METTL2A: variants seen among roughly 807,000 people sequenced by gnomAD.
METTL2A encodes methyltransferase 2A, tRNA N3-cytidine, also known as tRNA N(3)-cytidine methyltransferase METTL2A.
Under a neutral mutation model 49.4 loss-of-function variants are expected in METTL2A, and 45 were observed. The observed-to-expected ratio is 0.91, with a 90% CI of 0.72 to 1.17. METTL2A has a LOEUF of 1.17. Among genes scored for constraint, METTL2A ranks in the 50% most tolerant of loss-of-function variants. METTL2A has a pLI of 0.00. For missense variants in METTL2A, 361 were observed against 462.2 expected (o/e 0.78, Z 2.01); for synonymous variants, 118 against 167.5 (o/e 0.70, Z 2.28).
intron 4 of METTL2A, 41 bp from the exon 5 acceptor site, chr17:62,435,191 G>A (rs375864116): frequency 1.4e-5 from 22 of 1,613,712 alleles, no homozygotes; most frequent in Middle Eastern, 1.6e-4. Context: ...GACATAGCTC[G>A]ATTTGTAGTC....
chr17:62,426,368 A>G lies in METTL2A; in HGVS notation c.272A>G (p.Lys91Arg). 6.2e-7 allele frequency: 1 copy of G among 1,613,964 alleles called. No individual in the cohort carries two copies. Among genetic ancestry groups the G allele is most frequent in the East Asian group, 2.2e-5 (1 of 44,882 alleles). ...FYKIHENGFF[K>R]DRHWLFTEFP... ...AAAATCCACGAAAATGGGTTTTTCA[A>G]GGATAGACATTGGCTTTTTACCGAA... The change falls in exon 3 of 9, where the codon AAG becomes AGG. Residue 91 changes from lysine (K) to arginine (R), a missense_variant. Physicochemically the swap from Lys to Arg is conservative, Grantham distance 26 (BLOSUM62 2). Around this residue, in one of 3 missense-constraint regions of METTL2A, gnomAD observed 150 missense variants for 170.1 expected, o/e 0.88. Transcript: ENST00000311506.
chr17:62,430,557 T>G (rs1164016465), intron 4 of METTL2A, among the ~76,000 whole-genome samples: 1 of 152,180 alleles, frequency 6.6e-6, no homozygotes, highest in African/African-American at 2.4e-5. Context: ...ACCTTGCATG[T>G]CTTCCCCTGA....
In METTL2A at chr17:62,449,540, G is replaced by C. The variant is rs563344628; in HGVS notation, c.*811G>C. 1 of 356,800 alleles carries C rather than the reference G, an allele frequency of 2.8e-6. No individual in the cohort carries two copies. The highest frequency in any genetic ancestry group is 2.3e-5 in the African/African-American group (1 of 44,334). 22.1% of individuals were successfully genotyped at this position (356,800 alleles called of 1,614,324 possible). A position where few individuals can be genotyped will look rare whatever the true frequency, so the allele number is the denominator to read the frequency against. The stretch of plus-strand genomic sequence containing the variant: ...AGCGTGGCCAACATGGTGAAACCCC[G>C]TCTCTACTAAAGATAAAAAAATTAG... On this transcript the variant is annotated 3_prime_UTR_variant, in exon 9 of 9. Coordinates refer to ENST00000311506, the MANE Select transcript of METTL2A (RefSeq NM_181725.4).
Position 62,451,250 on chromosome 17 carries a change from G to T in METTL2A, c.*2521G>T, listed in dbSNP as rs1353288716. ...CAACCTCTGCCTCCCAAGTTTAAAT[G>T]ATTCTCCTGCCTCAGCCTCCCAAGT... is the stretch of plus-strand genomic sequence containing the variant. On this transcript the variant is annotated 3_prime_UTR_variant, in exon 9 of 9. Coordinates refer to ENST00000311506, the MANE Select transcript of METTL2A (RefSeq NM_181725.4). Among the ~76,000 whole-genome samples the T allele has an allele frequency of 6.7e-6, 1 of 149,350 alleles. No homozygotes were observed. Among genetic ancestry groups the T allele is most frequent in the Non-Finnish European group, 1.5e-5 (1 of 67,552 alleles).
At chr17:62,426,050 A>G (rs1357048491) in intron 2 of METTL2A, among the ~76,000 whole-genome samples, 1 of 151,878 alleles carries the variant, frequency 6.6e-6, no homozygotes, top group Non-Finnish European at 1.5e-5. Context: ...CTTGATAGAT[A>G]GTAAGTTCTC....
At chr17:62,433,065 G>A (rs1340699891) in intron 4 of METTL2A, among the ~76,000 whole-genome samples, 1 of 152,184 alleles carries the variant, frequency 6.6e-6, no homozygotes, top group Non-Finnish European at 1.5e-5. Flanking sequence ...GTATGCAAAT[G>A]CTACACCCGA....
At chr17:62,445,807 A>AG (rs1448547819) in intron 7 of METTL2A, among the ~76,000 whole-genome samples, 1 of 152,160 alleles carries the variant, frequency 6.6e-6, no homozygotes, top group African/African-American at 2.4e-5. Context: ...AAAAAAAAAA[A>AG]AAGATATTTG....
At position 62,451,926 on chromosome 17, in the gene METTL2A, G is replaced by C. The variant is rs535761172; in HGVS notation, c.*3197G>C. ...AAAAAAAAAATTAGCTGGGCATGGT[G>C]GTGGGCGCCTGTAATCCCAGCTATT... On this transcript the variant is annotated 3_prime_UTR_variant, in exon 9 of 9. Transcript: ENST00000311506. 2.4e-4 allele frequency among the ~76,000 whole-genome samples: 37 copies of C among 151,470 alleles called. No homozygotes were observed. Among genetic ancestry groups the C allele is most frequent in the African/African-American group, 8.7e-4 (36 of 41,272 alleles).
intron 5 of METTL2A, among the ~76,000 whole-genome samples, chr17:62,438,576 C>CAA (rs35559687): frequency 2.2e-4 from 17 of 76,888 alleles, no homozygotes; most frequent in African/African-American, 4.4e-4. Context: ...GACTCTGTTT[C>CAA]AAAAAAAAAA....
In METTL2A at chr17:62,450,171, G is replaced by C. The variant is rs1200107251; in HGVS notation, c.*1442G>C. Reference sequence around the variant, plus strand: ...GCACCCTTAAGTGTTTGACACAAAAGGAATTGAGGGAACTTCTTAATTTTA... The same window carrying C: ...GCACCCTTAAGTGTTTGACACAAAACGAATTGAGGGAACTTCTTAATTTTA... On this transcript the variant is annotated 3_prime_UTR_variant, in exon 9 of 9. Transcript: ENST00000311506. 6.7e-6 allele frequency: 1 copy of C among 149,100 alleles called. No individual in the cohort carries two copies. The highest frequency in any genetic ancestry group is 1.5e-5 in the Non-Finnish European group (1 of 67,564). 9.2% of individuals were successfully genotyped at this position (149,100 alleles called of 1,614,324 possible). A position where few individuals can be genotyped will look rare whatever the true frequency, so the allele number is the denominator to read the frequency against.
intron 5 of METTL2A, among the ~76,000 whole-genome samples, chr17:62,436,639 A>G (rs1316700464): frequency 6.6e-6 from 1 of 152,218 alleles, no homozygotes; most frequent in Non-Finnish European, 1.5e-5. Flanking sequence ...AATCTTTGCT[A>G]GTGGACGGTC....
At chr17:62,432,564 C>T (rs1401493666) in intron 4 of METTL2A, among the ~76,000 whole-genome samples, 2 of 152,064 alleles carry the variant, frequency 1.3e-5, no homozygotes, top group Non-Finnish European at 2.9e-5. Flanking sequence ...CTTTGGGAGG[C>T]CAAGACGGGC....
Position 62,426,089 on chromosome 17 carries a change from T to C in METTL2A, c.203-210T>C, listed in dbSNP as rs570179814. Among the ~76,000 whole-genome samples, 6 of 151,908 alleles carry C rather than the reference T, an allele frequency of 3.9e-5. No homozygotes were observed. The East Asian group carries it at 1.2e-3, about 29-fold the overall frequency. On this transcript the variant is annotated intron_variant, in intron 2 of 8. Coordinates refer to ENST00000311506, the MANE Select transcript of METTL2A (RefSeq NM_181725.4). ...TTGATTGTTCAAACAGAATTTAGAC[T>C]CTCCTATAATGACGGATAGGGGCAT...
chr17:62,444,809 T>A (rs1216914263), intron 6 of METTL2A, 28 bp from the exon 7 acceptor site: 1 of 1,611,708 alleles, frequency 6.2e-7, no homozygotes. Context: ...GGAGACCTGA[T>A]TGACCGTCAT....
chr17:62,447,185 A>G (rs930551417), intron 7 of METTL2A, among the ~76,000 whole-genome samples: 15 of 152,162 alleles, frequency 9.9e-5, no homozygotes, highest in Non-Finnish European at 1.2e-4. Flanking sequence ...TTGGGAGGCC[A>G]CGGTGGGTGG....
rs1250137433 is a variant in METTL2A at position 62,449,601 on chromosome 17, T to C, written c.*872T>C. The C allele has an allele frequency of 6.8e-6, 2 of 292,466 alleles. No homozygotes were observed. The highest frequency in any genetic ancestry group is 5.0e-5 in the Admixed American group (1 of 19,896). The allele number at this position is 292,466 out of a possible 1,614,324, so 18.1% of individuals were successfully genotyped here. ...TGGTGGGTGCCTGTAATCCAGCTAC[T>C]TGGGAGACTGAGGCAGGAGAATTGC... On this transcript the variant is annotated 3_prime_UTR_variant, in exon 9 of 9. Coordinates refer to ENST00000311506, the MANE Select transcript of METTL2A (RefSeq NM_181725.4).
Position 62,452,197 on chromosome 17 carries a change from AATTGGG to A in METTL2A, c.*3469_*3474del, listed in dbSNP as rs1466787377. On this transcript the variant is annotated 3_prime_UTR_variant, in exon 9 of 9. Coordinates refer to ENST00000311506, the MANE Select transcript of METTL2A (RefSeq NM_181725.4). ...GGTAAGAGGCTATTGTGTAAACTCG[AATTGGG>A]TTTGTTGGTGTTTCTTCATGATTTG... 6.6e-6 allele frequency among the ~76,000 whole-genome samples: 1 copy of A among 152,106 alleles called. No homozygotes were observed. The highest frequency in any genetic ancestry group is 1.5e-5 in the Non-Finnish European group (1 of 68,018).
Position 62,444,818 on chromosome 17 carries a change from A to G in METTL2A, c.810-19A>G. On this transcript the variant is annotated intron_variant, in intron 6 of 8. Coordinates refer to ENST00000311506, the MANE Select transcript of METTL2A (RefSeq NM_181725.4). ...CTTTAAGGAGACCTGATTGACCGTC[A>G]TTCCCTGCTGCTCCACAGGATGCAG... 6.2e-7 allele frequency: 1 copy of G among 1,613,180 alleles called. No individual in the cohort carries two copies. Among genetic ancestry groups the G allele is most frequent in the African/African-American group, 1.3e-5 (1 of 75,020 alleles).
rs371656406 is a variant in METTL2A, at chr17:62,444,878, C to G, written c.851C>G (p.Pro284Arg). 6.2e-7 allele frequency: 1 copy of G among 1,614,000 alleles called. No homozygotes were observed. The highest frequency in any genetic ancestry group is 1.3e-5 in the African/African-American group (1 of 75,028). Residue 284 changes from proline to arginine, a missense_variant, in exon 7 of 9, where the codon CCT becomes CGT. Around this residue, in one of 3 missense-constraint regions of METTL2A, gnomAD observed 183 missense variants for 216.5 expected, o/e 0.85. Coordinates refer to ENST00000311506, the MANE Select transcript of METTL2A (RefSeq NM_181725.4). ...AINRLSRLLK[P>R]GGMMLLRDYG... The stretch of plus-strand genomic sequence containing the variant: ...AACAGGCTGAGCAGGCTTCTGAAAC[C>G]TGGCGGGATGATGCTTCTGCGAGAT...
Sources: allele counts gnomAD v4.1 joint callset (sites outside exome capture counted in the v4.1 genomes callset), GRCh38; gene constraint gnomAD v4.1.1; regional missense constraint gnomAD v4.1.1; transcripts MANE v1.5; gene names NCBI Gene and HGNC (gene_info 2026-07-23, HGNC 2026-07-21).